Variants in PLSCR2 observed in about 807,000 individuals in gnomAD.
PLSCR2 encodes phospholipid scramblase 2.
PLSCR2 carries 18 observed loss-of-function variants against 25.3 expected under a neutral mutation model. The observed-to-expected ratio is 0.71, with a 90% confidence interval of 0.49 to 1.06. PLSCR2 has a LOEUF of 1.06. Among genes scored for constraint, PLSCR2 ranks in the 50% least tolerant of loss-of-function variants. The probability of loss-of-function intolerance (pLI) is 0.00; values close to 1 mark genes in which losing one functional copy is unlikely to be tolerated. For synonymous variants in PLSCR2, 88 were observed against 87.3 expected (o/e 1.01, Z -0.04); for missense variants, 243 against 269.5 (o/e 0.90, Z 0.69).
intron 1 of PLSCR2, among the ~76,000 whole-genome samples, chr3:146,482,930 A>G (rs2043181007): frequency 6.6e-6 from 1 of 152,164 alleles, no homozygotes; most frequent in Non-Finnish European, 1.5e-5. Flanking sequence ...TTGCAGGGAT[A>G]TGGATGAAGC....
intron 6 of PLSCR2, among the ~76,000 whole-genome samples, chr3:146,447,623 AC>A (rs2040630969): frequency 6.6e-6 from 1 of 152,098 alleles, no homozygotes; most frequent in African/African-American, 2.4e-5. Flanking sequence ...AGGAGTCTCT[AC>A]TGGAGCTGCA....
intron 2 of PLSCR2, among the ~76,000 whole-genome samples, chr3:146,426,112 GCAAA>G (rs1225157363): frequency 4.0e-5 from 6 of 151,760 alleles, no homozygotes; most frequent in South Asian, 2.1e-4. Context: ...TAGCTTTTCT[GCAAA>G]CAAAGGAACA....
intron 1 of PLSCR2, among the ~76,000 whole-genome samples, chr3:146,492,531 G>T (rs2043588873): frequency 6.6e-6 from 1 of 152,008 alleles, no homozygotes; most frequent in African/African-American, 2.4e-5. Flanking sequence ...AAATTAAACA[G>T]CTTGCTCCTG....
intron 2 of PLSCR2, among the ~76,000 whole-genome samples, chr3:146,406,326 C>G (rs1161458671): frequency 6.6e-6 from 1 of 152,126 alleles, no homozygotes; most frequent in Non-Finnish European, 1.5e-5. Flanking sequence ...TTTGGAGCTT[C>G]TACATCTAGT....
intron 1 of PLSCR2, among the ~76,000 whole-genome samples, chr3:146,486,828 A>T (rs887858964): frequency 6.6e-6 from 1 of 152,126 alleles, no homozygotes; most frequent in African/African-American, 2.4e-5. Flanking sequence ...AGGCAGCGTA[A>T]CCCTGATACC....
intron 1 of PLSCR2, among the ~76,000 whole-genome samples, chr3:146,492,237 C>T (rs2043578294): frequency 6.6e-6 from 1 of 151,960 alleles, no homozygotes; most frequent in Non-Finnish European, 1.5e-5. Flanking sequence ...AGTCCACTGG[C>T]AACAATACTC....
upstream of PLSCR2, chr3:146,462,064 G>A (rs1465109862): frequency 1.8e-6 from 1 of 544,152 alleles, no homozygotes; most frequent in African/African-American, 1.9e-5. Context: ...GATTGAAATA[G>A]TTCTGAAAGA....
intron 1 of PLSCR2, among the ~76,000 whole-genome samples, chr3:146,467,388 T>C (rs909376115): frequency 6.6e-5 from 10 of 152,110 alleles, no homozygotes; most frequent in Non-Finnish European, 1.3e-4. Flanking sequence ...AGACCTCCCT[T>C]GAATATTAAT....
At chr3:146,448,420 A>C (rs1028122064) in intron 6 of PLSCR2, among the ~76,000 whole-genome samples, 1 of 152,188 alleles carries the variant, frequency 6.6e-6, no homozygotes, top group African/African-American at 2.4e-5. Flanking sequence ...TCAAACCTTG[A>C]TTGCATATTG....
chr3:146,459,075 A>G (rs2041397151), intron 2 of PLSCR2, among the ~76,000 whole-genome samples: 2 of 152,280 alleles, frequency 1.3e-5, no homozygotes, highest in Non-Finnish European at 1.5e-5. Context: ...TTCCTATTTT[A>G]CCAATCTGAT....
At chr3:146,485,180 A>G (rs1299740495) in intron 1 of PLSCR2, among the ~76,000 whole-genome samples, 1 of 152,128 alleles carries the variant, frequency 6.6e-6, no homozygotes, top group African/African-American at 2.4e-5. Flanking sequence ...CTTTAAACCA[A>G]CAAAGATCAA....
intron 1 of PLSCR2, among the ~76,000 whole-genome samples, chr3:146,483,479 GTATATATATA>G (rs56655616): frequency 1.5e-4 from 8 of 54,830 alleles, no homozygotes; most frequent in Non-Finnish European, 2.3e-4. Flanking sequence ...ATATACATGT[GTATATATATA>G]TATATATATA....
chr3:146,409,395 C>G (rs1220799692), intron 2 of PLSCR2, among the ~76,000 whole-genome samples: 1 of 152,048 alleles, frequency 6.6e-6, no homozygotes, highest in Non-Finnish European at 1.5e-5. Context: ...AGCGAGCCGG[C>G]TGAGGGTAGA....
chr3:146,483,197 A>C (rs891373641), intron 1 of PLSCR2, among the ~76,000 whole-genome samples: 1 of 150,254 alleles, frequency 6.7e-6, no homozygotes, highest in Non-Finnish European at 1.5e-5. Flanking sequence ...TACAAGAAAA[A>C]AAACAAACAA....
intron 6 of PLSCR2, among the ~76,000 whole-genome samples, chr3:146,447,959 G>A (rs1285333162): frequency 1.3e-5 from 2 of 152,076 alleles, no homozygotes; most frequent in African/African-American, 4.8e-5. Context: ...GTTATGACAG[G>A]GAAGCACAGA....
chr3:146,406,521 G>A (rs1487495261), intron 2 of PLSCR2, among the ~76,000 whole-genome samples: 2 of 152,312 alleles, frequency 1.3e-5, no homozygotes, highest in South Asian at 2.1e-4. Flanking sequence ...ATGTCCTGTT[G>A]TGAAAGAGGT....
At chr3:146,442,472 T>C (rs890371610) in intron 6 of PLSCR2, among the ~76,000 whole-genome samples, 7 of 152,052 alleles carry the variant, frequency 4.6e-5, no homozygotes, top group Non-Finnish European at 5.9e-5. Context: ...ATAAAATTTG[T>C]ATGGAATCAC....
At chr3:146,480,346 T>C (rs1226237044) in intron 1 of PLSCR2, among the ~76,000 whole-genome samples, 2 of 151,728 alleles carry the variant, frequency 1.3e-5, no homozygotes, top group African/African-American at 4.8e-5. Flanking sequence ...CCAGCAAGAC[T>C]AATAAAGAAG....
intron 1 of PLSCR2, among the ~76,000 whole-genome samples, chr3:146,468,301 G>A (rs890593894): frequency 6.6e-6 from 1 of 152,138 alleles, no homozygotes; most frequent in African/African-American, 2.4e-5. Context: ...TAAGAGAAAG[G>A]TTTGCTCTTA....
Sources: allele counts gnomAD v4.1 joint callset (sites outside exome capture counted in the v4.1 genomes callset), GRCh38; gene constraint gnomAD v4.1.1; transcripts MANE v1.5; gene names NCBI Gene and HGNC (gene_info 2026-07-23, HGNC 2026-07-21).